DCDC1: variants seen among roughly 807,000 people sequenced by gnomAD.
The protein encoded by DCDC1 is doublecortin domain containing 1, also known as doublecortin domain-containing protein 1.
In DCDC1, 200 loss-of-function variants were observed where a neutral mutation model predicts 178.3. The ratio of observed to expected loss-of-function variants is 1.12; its 90% CI spans 1.00 to 1.26. DCDC1 has a LOEUF of 1.26. Ranked by LOEUF, DCDC1 falls within the 50% of genes most tolerant of loss-of-function variation. The probability of loss-of-function intolerance (pLI) is 0.00; values close to 1 mark genes in which losing one functional copy is unlikely to be tolerated. For missense variants in DCDC1, 1,983 were observed against 1,749.2 expected (o/e 1.13, Z -2.38); for synonymous variants, 690 against 604.8 (o/e 1.14, Z -2.07).
intron 20 of DCDC1, among the ~76,000 whole-genome samples, chr11:31,040,731 A>G (rs559775989): frequency 6.6e-6 from 1 of 152,354 alleles, no homozygotes; most frequent in Non-Finnish European, 1.5e-5. Flanking sequence ...AGTTGACTTT[A>G]TCAGTTAGCC....
intron 21 of DCDC1, among the ~76,000 whole-genome samples, chr11:30,937,562 A>C (rs1023213375): frequency 6.6e-6 from 1 of 151,898 alleles, no homozygotes; most frequent in Non-Finnish European, 1.5e-5. Flanking sequence ...TCATTCCCTC[A>C]TCTCCTTCGA....
intron 11 of DCDC1, among the ~76,000 whole-genome samples, chr11:31,115,179 T>G (rs1409571056): frequency 6.6e-6 from 1 of 152,170 alleles, no homozygotes; most frequent in African/African-American, 2.4e-5. Context: ...ATAGGGAAAC[T>G]TAAACTATAT....
intron 20 of DCDC1, among the ~76,000 whole-genome samples, chr11:31,029,710 C>T (rs1953493537): frequency 6.6e-6 from 1 of 152,066 alleles, no homozygotes; most frequent in South Asian, 2.1e-4. Context: ...CTACCTGATA[C>T]TTCTTTATAA....
Position 30,948,951 on chromosome 11 carries a change from A to G in DCDC1, c.2715+3494T>C, listed in dbSNP as rs1355546101. ...ATTCAGGACATAGGCATGGGAAAAG[A>G]CTTCATGACTAAAACACCAAAAGCA... On this transcript the variant is annotated intron_variant, in intron 21 of 38. Coordinates refer to ENST00000684477, the MANE Select transcript of DCDC1 (RefSeq NM_001387274.1). 2.6e-5 allele frequency among the ~76,000 whole-genome samples: 4 copies of G among 152,354 alleles called. No individual in the cohort carries two copies. The East Asian group carries it at 5.8e-4, about 22-fold the overall frequency.
intron 9 of DCDC1, among the ~76,000 whole-genome samples, chr11:31,210,239 C>G (rs1338644782): frequency 6.6e-6 from 1 of 152,172 alleles, no homozygotes; most frequent in Admixed American, 6.5e-5. Flanking sequence ...GGTAGTTCTT[C>G]CATAGCAAAA....
chr11:30,876,729 A>G (rs1055577948), intron 38 of DCDC1, among the ~76,000 whole-genome samples: 1 of 152,174 alleles, frequency 6.6e-6, no homozygotes, highest in Non-Finnish European at 1.5e-5. Flanking sequence ...ATAGCAAATC[A>G]ACTTTTCCCT....
intron 15 of DCDC1, among the ~76,000 whole-genome samples, chr11:31,101,377 AC>A (rs770532595): frequency 6.7e-6 from 1 of 149,322 alleles, no homozygotes; most frequent in Non-Finnish European, 1.5e-5. Flanking sequence ...AAAAAAAAAA[AC>A]ATCTTCTTTA....
chr11:31,031,337 C>T (rs753065263), intron 20 of DCDC1, among the ~76,000 whole-genome samples: 28 of 151,476 alleles, frequency 1.8e-4, no homozygotes, highest in Non-Finnish European at 3.7e-4. Flanking sequence ...TGTGCTTTTC[C>T]GAAAAAAAAT....
intron 9 of DCDC1, among the ~76,000 whole-genome samples, chr11:31,218,614 G>A (rs1260796740): frequency 6.6e-6 from 1 of 151,842 alleles, no homozygotes; most frequent in African/African-American, 2.4e-5. Flanking sequence ...TATGACATCA[G>A]CATAAATATA....
intron 11 of DCDC1, among the ~76,000 whole-genome samples, chr11:31,114,815 G>C (rs1959629286): frequency 6.6e-6 from 1 of 152,138 alleles, no homozygotes; most frequent in South Asian, 2.1e-4. Context: ...TTTTTTAAAA[G>C]GATCATTATG....
chr11:31,347,895 T>A (rs1950892638), intron 1 of DCDC1, among the ~76,000 whole-genome samples: 1 of 152,188 alleles, frequency 6.6e-6, no homozygotes, highest in Admixed American at 6.5e-5. Flanking sequence ...ATATAGGACC[T>A]TACTGGAGGT....
intron 21 of DCDC1, among the ~76,000 whole-genome samples, chr11:30,939,156 C>T (rs558528359): frequency 2.6e-5 from 4 of 152,272 alleles, no homozygotes; most frequent in South Asian, 2.1e-4. Flanking sequence ...GGCTCATGCA[C>T]GAGGTTGCCT....
chr11:31,156,891 C>T (rs1158280218), intron 9 of DCDC1, among the ~76,000 whole-genome samples: 1 of 152,036 alleles, frequency 6.6e-6, no homozygotes, highest in Admixed American at 6.6e-5. Flanking sequence ...CACATAGATG[C>T]TCAATAAATA....
intron 6 of DCDC1, among the ~76,000 whole-genome samples, chr11:31,303,302 A>T (rs1297124961): frequency 1.3e-5 from 2 of 152,220 alleles, no homozygotes; most frequent in Non-Finnish European, 2.9e-5. Context: ...TATCAATTGT[A>T]TATAAAATAC....
Position 31,056,622 on chromosome 11 carries a change from G to C in DCDC1, c.2591+7847C>G, listed in dbSNP as rs141490018. 2.2e-3 allele frequency among the ~76,000 whole-genome samples: 331 copies of C among 152,030 alleles called. 2 individuals carry two copies. Among genetic ancestry groups the C allele is most frequent in the Middle Eastern group, 0.01 (3 of 294 alleles). On this transcript the variant is annotated intron_variant, in intron 20 of 38. Coordinates refer to ENST00000684477, the MANE Select transcript of DCDC1 (RefSeq NM_001387274.1). ...AATGTAAGGCTTAATTGACCAGAAA[G>C]ATAAAACAATTCCAAAATTGTATGT...
chr11:30,980,088 G>T (rs1950314741), intron 20 of DCDC1, among the ~76,000 whole-genome samples: 1 of 152,112 alleles, frequency 6.6e-6, no homozygotes, highest in Non-Finnish European at 1.5e-5. Context: ...TATAAGAAAT[G>T]GTATCTATTT....
chr11:31,314,958 G>A (rs1948984025), intron 3 of DCDC1, among the ~76,000 whole-genome samples: 1 of 152,164 alleles, frequency 6.6e-6, no homozygotes, highest in South Asian at 2.1e-4. Flanking sequence ...ATTAAATCTA[G>A]TTTACAATTT....
intron 3 of DCDC1, among the ~76,000 whole-genome samples, chr11:31,326,714 T>C (rs1331719782): frequency 6.6e-6 from 1 of 152,198 alleles, no homozygotes; most frequent in Admixed American, 6.5e-5. Context: ...GGTTTCACTT[T>C]CATCTTAACC....
At chr11:31,160,121 C>G (rs1041707309) in intron 9 of DCDC1, among the ~76,000 whole-genome samples, 2 of 152,100 alleles carry the variant, frequency 1.3e-5, no homozygotes, top group Non-Finnish European at 2.9e-5. Context: ...CTTCATTACA[C>G]TGAATATGTA....
Sources: gnomAD v4.1 joint callset for allele counts (sites outside exome capture counted in the v4.1 genomes callset) on GRCh38, gnomAD v4.1.1 for gene constraint, MANE v1.5 for transcripts, NCBI Gene and HGNC (gene_info 2026-07-23, HGNC 2026-07-21) for gene names.